Variants in RASSF8 observed in about 807,000 individuals in gnomAD.
The protein encoded by RASSF8 is Ras association domain family member 8, also known as ras association domain-containing protein 8.
A neutral mutation model predicts 48.5 loss-of-function variants in RASSF8; 22 were observed. The observed-to-expected ratio is 0.45, with a 90% CI of 0.32 to 0.65. The LOEUF (loss-of-function observed/expected upper bound fraction) is 0.65, where lower values mean the gene tolerates loss of function less well. RASSF8 is among the 30% of genes least tolerant of loss of function. The pLI is 0.03. For synonymous variants in RASSF8, 127 were observed against 171.5 expected, an observed-to-expected ratio of 0.74 and a Z score of 2.03; for missense variants, 418 against 489.2, an observed-to-expected ratio of 0.85 and a Z score of 1.37.
At chr12:26,034,506 A>G (rs899445268) in intron 2 of RASSF8, among the ~76,000 whole-genome samples, 11 of 152,100 alleles carry the variant, frequency 7.2e-5, no homozygotes, top group Admixed American at 2.6e-4. Context: ...CGCAGGCCAC[A>G]TGTTGGACAA....
chr12:26,009,073 C>T (rs1387649848), intron 2 of RASSF8, among the ~76,000 whole-genome samples: 1 of 152,140 alleles, frequency 6.6e-6, no homozygotes, highest in Non-Finnish European at 1.5e-5. Flanking sequence ...GCAGCATTCC[C>T]AAGTTTCAAG....
chr12:26,012,855 T>C (rs1337783269), intron 2 of RASSF8, among the ~76,000 whole-genome samples: 1 of 152,014 alleles, frequency 6.6e-6, no homozygotes, highest in Non-Finnish European at 1.5e-5. Context: ...TTAAATTTTT[T>C]TGTAAAGACG....
intron 2 of RASSF8, among the ~76,000 whole-genome samples, chr12:26,010,149 G>A (rs1039988839): frequency 7.9e-5 from 12 of 152,208 alleles, no homozygotes; most frequent in African/African-American, 2.7e-4. Flanking sequence ...TGAGGCCTTG[G>A]GACCAGAAGG....
chr12:25,958,900 G>A lies in RASSF8; in HGVS notation c.-451G>A, dbSNP rs1941151303. On this transcript the variant is annotated 5_prime_UTR_variant, in exon 1 of 6. Coordinates refer to ENST00000689635, the MANE Select transcript of RASSF8 (RefSeq NM_001394098.1). ...GCCGCTGGCCGAGCGCTCGCGCACC[G>A]CGGCACCCCCGCCAGTGGCGTCCAC... The A allele has an allele frequency of 6.8e-6, 1 of 147,106 alleles. No homozygotes were observed. The highest frequency in any genetic ancestry group is 2.1e-4 in the South Asian group (1 of 4,820). 9.1% of individuals were successfully genotyped at this position (147,106 alleles called of 1,614,324 possible).
chr12:26,074,624 T>A (rs1025730054), downstream of RASSF8, among the ~76,000 whole-genome samples: 14 of 152,008 alleles, frequency 9.2e-5, no homozygotes, highest in African/African-American at 3.4e-4. Flanking sequence ...ATTACAGCAG[T>A]GAGCCACTGC....
chr12:26,027,636 C>A (rs78596079), intron 2 of RASSF8, among the ~76,000 whole-genome samples: 2 of 152,150 alleles, frequency 1.3e-5, no homozygotes, highest in Admixed American at 1.3e-4. Context: ...TGGTTGTGGC[C>A]TTGGAGCTGA....
intron 5 of RASSF8, 140 bp from the exon 6 acceptor site, chr12:26,068,557 C>G: frequency 1.5e-6 from 1 of 662,702 alleles, no homozygotes; most frequent in South Asian, 2.0e-5. Flanking sequence ...CCTTCTCCCC[C>G]AGCCCAGGGC....
Position 26,068,902 on chromosome 12 carries a change from A to C in RASSF8, c.*84A>C. 1 of 1,507,144 alleles carries C rather than the reference A, an allele frequency of 6.6e-7. No homozygotes were observed. The highest frequency in any genetic ancestry group is 1.3e-5 in the South Asian group (1 of 79,608). The allele number at this position is 1,507,144 out of a possible 1,614,324, so 93.4% of individuals were successfully genotyped here. A position where few individuals can be genotyped will look rare whatever the true frequency, so the allele number is the denominator to read the frequency against. ...TTTGATTTGTGCCAATGATGAACAG[A>C]GGATCTATTCCACAAGACGCTGTAT... On this transcript the variant is annotated 3_prime_UTR_variant, in exon 6 of 6. Transcript: ENST00000689635.
chr12:26,059,954 G>A (rs1943702380), intron 3 of RASSF8, among the ~76,000 whole-genome samples: 1 of 152,188 alleles, frequency 6.6e-6, no homozygotes. Context: ...CTGTAGTGCA[G>A]TGGTGTGATC....
At chr12:26,013,681 T>C (rs1384573330) in intron 2 of RASSF8, among the ~76,000 whole-genome samples, 3 of 152,234 alleles carry the variant, frequency 2.0e-5, no homozygotes, top group Admixed American at 2.0e-4. Flanking sequence ...CCTATGTTGT[T>C]TATTCAAACT....
chr12:26,021,750 C>G (rs1321272069), intron 2 of RASSF8, among the ~76,000 whole-genome samples: 3 of 152,086 alleles, frequency 2.0e-5, no homozygotes, highest in African/African-American at 4.8e-5. Context: ...AAAGACTGCT[C>G]CCCCTACCCA....
At position 25,959,103 on chromosome 12, in the gene RASSF8, C is replaced by G. The variant is rs1048624515; in HGVS notation, c.-248C>G. The G allele has an allele frequency of 6.6e-6, 1 of 150,494 alleles. No homozygotes were observed. Among genetic ancestry groups the G allele is most frequent in the Non-Finnish European group, 1.5e-5 (1 of 67,546 alleles). 9.3% of individuals were successfully genotyped at this position (150,494 alleles called of 1,614,324 possible). Reference sequence around the variant, plus strand: ...GCCGCCGCGTCCCCAGCGCCCCGGCCGGCCCCTCTGGGCGGCCTGCGGGGG... The same window carrying G: ...GCCGCCGCGTCCCCAGCGCCCCGGCGGGCCCCTCTGGGCGGCCTGCGGGGG... On this transcript the variant is annotated 5_prime_UTR_variant, in exon 1 of 6. Coordinates refer to ENST00000689635, the MANE Select transcript of RASSF8 (RefSeq NM_001394098.1).
At chr12:26,020,777 A>T (rs891351517) in intron 2 of RASSF8, among the ~76,000 whole-genome samples, 7 of 152,232 alleles carry the variant, frequency 4.6e-5, no homozygotes, top group Admixed American at 3.3e-4. Context: ...ATAAAAAAAT[A>T]CAGTCTGTGA....
intron 2 of RASSF8, among the ~76,000 whole-genome samples, chr12:26,047,768 C>T (rs944458658): frequency 6.6e-6 from 1 of 152,204 alleles, no homozygotes; most frequent in Admixed American, 6.5e-5. Flanking sequence ...TTCAGGGCTG[C>T]CCTGCCATCA....
intron 3 of RASSF8, among the ~76,000 whole-genome samples, chr12:26,062,743 T>G (rs867682408): frequency 1.3e-5 from 2 of 152,244 alleles, no homozygotes; most frequent in Admixed American, 6.5e-5. Flanking sequence ...CATCACTATT[T>G]AAAGGAATTC....
At chr12:25,970,670 A>T (rs116639122) in intron 1 of RASSF8, among the ~76,000 whole-genome samples, 8,380 of 152,144 alleles carry the variant, frequency 0.055, 297 homozygotes, top group Middle Eastern at 0.095. Context: ...GACTGTTACG[A>T]TACACAGGAC....
intron 2 of RASSF8, among the ~76,000 whole-genome samples, chr12:26,016,789 T>C (rs1942661771): frequency 6.6e-6 from 1 of 152,212 alleles, no homozygotes; most frequent in Non-Finnish European, 1.5e-5. Flanking sequence ...ATCTATCCTG[T>C]TGAATAGTTG....
At chr12:25,994,637 T>C (rs944192455) in intron 1 of RASSF8, among the ~76,000 whole-genome samples, 3 of 152,204 alleles carry the variant, frequency 2.0e-5, no homozygotes, top group Non-Finnish European at 4.4e-5. Context: ...CAACTTCAGT[T>C]TTAGCCCTGG....
chr12:26,071,694 A>T lies in RASSF8; in HGVS notation c.*2876A>T. 1.0e-6 allele frequency: 1 copy of T among 982,966 alleles called. No individual in the cohort carries two copies. The highest frequency in any genetic ancestry group is 1.2e-6 in the Non-Finnish European group (1 of 827,718). The allele number at this position is 982,966 out of a possible 1,614,324, so 60.9% of individuals were successfully genotyped here. On this transcript the variant is annotated 3_prime_UTR_variant, in exon 6 of 6. Coordinates refer to ENST00000689635, the MANE Select transcript of RASSF8 (RefSeq NM_001394098.1). The stretch of plus-strand genomic sequence containing the variant: ...ATATGAGACTTCAGTTGGTATTAAT[A>T]GGAGTTACCTATTTAATTCTCCCAG...
Sources: allele counts gnomAD v4.1 joint callset (sites outside exome capture counted in the v4.1 genomes callset), GRCh38; gene constraint gnomAD v4.1.1; transcripts MANE v1.5; gene names NCBI Gene and HGNC (gene_info 2026-07-23, HGNC 2026-07-21).